Variants in ALDH1A2 observed in about 807,000 individuals in gnomAD.
The protein encoded by ALDH1A2 is aldehyde dehydrogenase 1 family member A2.
Under a neutral mutation model 60.3 loss-of-function variants are expected in ALDH1A2, and 27 were observed. That is an observed-to-expected ratio of 0.45 (90% CI 0.33 to 0.62). The LOEUF is 0.62. ALDH1A2 is among the 20% of genes least tolerant of loss of function. The probability of loss-of-function intolerance (pLI) is 0.02; values close to 1 mark genes in which losing one functional copy is unlikely to be tolerated. For missense variants in ALDH1A2, 581 were observed against 643.8 expected (o/e 0.90, Z 1.06); for synonymous variants, 289 against 232.4 (o/e 1.24, Z -2.21).
In ALDH1A2 at chr15:57,985,325, CCT is replaced by C. The variant is rs1212616261; in HGVS notation, c.798+7378_798+7379del. ...TCTATATCCTACAGACCCTCAAATCCCTCTTTCTCTTGAAACCTTGATAGACC... is the reference window on the plus strand; with the variant it reads ...TCTATATCCTACAGACCCTCAAATCCCTTTCTCTTGAAACCTTGATAGACC... On this transcript the variant is annotated intron_variant, in intron 7 of 12. Transcript: ENST00000249750. Among the ~76,000 whole-genome samples, 6 of 152,288 alleles carry C rather than the reference CCT, an allele frequency of 3.9e-5. No individual in the cohort carries two copies. In the East Asian group the frequency reaches 7.7e-4, roughly 20 times the overall value.
chr15:58,002,686 A>T (rs1712018378), intron 4 of ALDH1A2, among the ~76,000 whole-genome samples: 1 of 151,906 alleles, frequency 6.6e-6, no homozygotes, highest in Admixed American at 6.6e-5. Context: ...AATTTTATAT[A>T]CCTAGTAACA....
At chr15:57,987,848 A>G (rs1371495242) in intron 7 of ALDH1A2, among the ~76,000 whole-genome samples, 3 of 148,068 alleles carry the variant, frequency 2.0e-5, no homozygotes, top group African/African-American at 7.5e-5. Context: ...CAACTACTGC[A>G]CTCCAGCCTG....
chr15:57,984,391 T>TA (rs1894627515), intron 7 of ALDH1A2, among the ~76,000 whole-genome samples: 1 of 152,242 alleles, frequency 6.6e-6, no homozygotes, highest in Admixed American at 6.5e-5. Context: ...TCATATACCA[T>TA]AAAATCCACT....
chr15:58,043,565 C>G (rs867266209), intron 1 of ALDH1A2, among the ~76,000 whole-genome samples: 1 of 152,002 alleles, frequency 6.6e-6, no homozygotes, highest in Non-Finnish European at 1.5e-5. Context: ...TCAAATGTGA[C>G]TGCCTTCTTT....
Position 58,065,567 on chromosome 15 carries a change from C to G in ALDH1A2, c.84G>C (p.Ser28=), listed in dbSNP as rs756005921. 6.2e-7 allele frequency: 1 copy of G among 1,613,524 alleles called. No homozygotes were observed. The highest frequency in any genetic ancestry group is 8.5e-7 in the Non-Finnish European group (1 of 1,179,662). Residue 28 remains serine, a synonymous_variant, in exon 1 of 13, where the codon TCG becomes TCC. Coordinates refer to ENST00000249750, the MANE Select transcript of ALDH1A2 (RefSeq NM_003888.4). ...ALMASLHLLP[S]PTPNLEIKYT... is the part of the protein sequence containing the mutation. The stretch of plus-strand genomic sequence containing the variant: ...ACTTAATTTCGAGATTGGGCGTGGG[C>G]GACGGCAGGAGGTGCAGCGACGCCA...
chr15:58,036,933 A>G (rs1344863899), intron 1 of ALDH1A2, among the ~76,000 whole-genome samples: 1 of 151,742 alleles, frequency 6.6e-6, no homozygotes, highest in Non-Finnish European at 1.5e-5. Context: ...AAGAAACTCT[A>G]TCCTCAGTAG....
At chr15:57,971,912 C>CAAAG (rs1486495423) in intron 7 of ALDH1A2, among the ~76,000 whole-genome samples, 2 of 151,540 alleles carry the variant, frequency 1.3e-5, no homozygotes, top group African/African-American at 4.9e-5. Flanking sequence ...TTTTTTTTTG[C>CAAAG]AAAGACTGGG....
intron 7 of ALDH1A2, among the ~76,000 whole-genome samples, chr15:57,970,946 C>A (rs2140460666): frequency 6.6e-6 from 1 of 152,208 alleles, no homozygotes; most frequent in East Asian, 1.9e-4. Context: ...TTCTGAAGTA[C>A]CCAGAAATAA....
chr15:57,988,701 G>A (rs1894794446), intron 7 of ALDH1A2, among the ~76,000 whole-genome samples: 1 of 152,182 alleles, frequency 6.6e-6, no homozygotes, highest in Non-Finnish European at 1.5e-5. Flanking sequence ...TTTATTGTAT[G>A]TAAATTATAC....
intron 4 of ALDH1A2, among the ~76,000 whole-genome samples, chr15:57,999,306 C>T (rs1196505202): frequency 2.0e-5 from 3 of 151,914 alleles, no homozygotes; most frequent in Non-Finnish European, 4.4e-5. Context: ...TGACAAAGGT[C>T]TACTATCCAG....
intron 5 of ALDH1A2, 127 bp downstream of exon 5, chr15:57,994,951 C>T (rs1895002218): frequency 2.2e-6 from 2 of 904,082 alleles, no homozygotes; most frequent in African/African-American, 1.6e-5. Flanking sequence ...GATATGTCAA[C>T]AACATGAGCT....
chr15:58,052,091 C>T (rs1340243040), intron 1 of ALDH1A2, among the ~76,000 whole-genome samples: 4 of 152,088 alleles, frequency 2.6e-5, no homozygotes, highest in South Asian at 2.1e-4. Flanking sequence ...ATTTTGATTT[C>T]CGCTGGATCT....
chr15:58,020,687 T>C (rs886067587), intron 1 of ALDH1A2, among the ~76,000 whole-genome samples: 4 of 152,206 alleles, frequency 2.6e-5, no homozygotes, highest in Admixed American at 1.3e-4. Context: ...TTTTAATTTA[T>C]TTATTCTTAG....
intron 1 of ALDH1A2, among the ~76,000 whole-genome samples, chr15:58,027,248 C>T (rs1331909800): frequency 2.0e-5 from 3 of 152,104 alleles, no homozygotes; most frequent in African/African-American, 7.2e-5. Flanking sequence ...CTGGTGATAC[C>T]CAGGCAAACA....
rs114185312 is a variant in ALDH1A2, at chr15:58,006,650, T to C, written c.493+3999A>G. On this transcript the variant is annotated intron_variant, in intron 4 of 12. Transcript: ENST00000249750. Reference sequence around the variant, plus strand: ...TCCCAACCAGCAGTGTGTAAAAGTGTTCCCTCTCACCACATCCACGCCAAC... The same window carrying C: ...TCCCAACCAGCAGTGTGTAAAAGTGCTCCCTCTCACCACATCCACGCCAAC... Among the ~76,000 whole-genome samples, 742 of 151,936 alleles carry C rather than the reference T, an allele frequency of 4.9e-3. 10 individuals carry two copies. The highest frequency in any genetic ancestry group is 0.017 in the African/African-American group (708 of 41,488).
chr15:58,000,581 G>A (rs1595656339), intron 4 of ALDH1A2, among the ~76,000 whole-genome samples: 1 of 151,868 alleles, frequency 6.6e-6, no homozygotes. Context: ...CAGGTTTCAT[G>A]GGCTGGTAAT....
At chr15:57,993,096 T>C in intron 5 of ALDH1A2, 23 bp from the exon 6 acceptor site, 1 of 1,610,330 alleles carries the variant, frequency 6.2e-7, no homozygotes, top group Non-Finnish European at 8.5e-7. Context: ...AACTCAAAGT[T>C]GATAGATGGA....
At chr15:57,987,713 TG>T (rs2140484231) in intron 7 of ALDH1A2, among the ~76,000 whole-genome samples, 1 of 152,056 alleles carries the variant, frequency 6.6e-6, no homozygotes, top group African/African-American at 2.4e-5. Flanking sequence ...ACCCCGTCTC[TG>T]CTAAAAATAA....
At chr15:58,001,973 C>T (rs181604553) in intron 4 of ALDH1A2, among the ~76,000 whole-genome samples, 36 of 151,910 alleles carry the variant, frequency 2.4e-4, no homozygotes, top group East Asian at 2.1e-3. Context: ...CTAAGTCACA[C>T]GTGTAGGACT....
Sources: allele counts gnomAD v4.1 joint callset (sites outside exome capture counted in the v4.1 genomes callset), GRCh38; gene constraint gnomAD v4.1.1; transcripts MANE v1.5; gene names NCBI Gene and HGNC (gene_info 2026-07-23, HGNC 2026-07-21).